GLRA3: variants seen among roughly 807,000 people sequenced by gnomAD.
The protein encoded by GLRA3 is glycine receptor subunit alpha-3.
A neutral mutation model predicts 60.4 loss-of-function variants in GLRA3; 44 were observed. The observed-to-expected ratio is 0.73, with a 90% CI of 0.57 to 0.94. The LOEUF is 0.94. GLRA3 is among the 40% of genes least tolerant of loss of function. GLRA3 has a pLI of 0.00. For synonymous variants in GLRA3, 223 were observed against 192.9 expected (o/e 1.16, Z -1.29); for missense variants, 508 against 564.6 (o/e 0.90, Z 1.02).
chr4:174,659,103 G>A lies in GLRA3; in HGVS notation c.1022C>T (p.Ser341Leu), dbSNP rs774055425. 5 of 1,612,424 alleles carry A rather than the reference G, an allele frequency of 3.1e-6. No individual in the cohort carries two copies. In the South Asian group the frequency reaches 5.5e-5, roughly 18 times the overall value. ...TCTCAGAAGTTCTTTGTGTTGTCTT[G>A]ATACAAAATTTACAGCTGCATACTC... The part of the protein sequence containing the change: ...LLEYAAVNFV[S>L]RQHKELLRFR... The change falls in exon 8 of 10, where the codon TCA becomes TTA. Residue 341 changes from serine to leucine, a missense_variant. By Grantham distance (145) the Ser-to-Leu change is moderately radical. Transcript: ENST00000274093.
At chr4:174,783,912 C>G (rs1022511173) in intron 2 of GLRA3, among the ~76,000 whole-genome samples, 3 of 151,600 alleles carry the variant, frequency 2.0e-5, no homozygotes, top group Non-Finnish European at 4.4e-5. Flanking sequence ...GTCAGTGTGG[C>G]GATTCCTCAG....
At chr4:174,673,762 G>A (rs1335364710) in intron 7 of GLRA3, among the ~76,000 whole-genome samples, 1 of 152,082 alleles carries the variant, frequency 6.6e-6, no homozygotes, top group Non-Finnish European at 1.5e-5. Context: ...GAAGTTCTTA[G>A]TTTTTGACAA....
chr4:174,658,924 A>C, intron 8 of GLRA3, 130 bp downstream of exon 8: 2 of 771,402 alleles, frequency 2.6e-6, no homozygotes, highest in Non-Finnish European at 4.1e-6. Context: ...GATTGGAAAA[A>C]AATGAAAGGA....
At chr4:174,708,941 GC>G (rs1735613470) in intron 5 of GLRA3, among the ~76,000 whole-genome samples, 1 of 150,722 alleles carries the variant, frequency 6.6e-6, no homozygotes, top group Non-Finnish European at 1.5e-5. Flanking sequence ...CTTCCATCAA[GC>G]ATTCCTTAGG....
intron 3 of GLRA3, among the ~76,000 whole-genome samples, chr4:174,755,515 T>G (rs913628719): frequency 6.6e-6 from 1 of 152,146 alleles, no homozygotes; most frequent in African/African-American, 2.4e-5. Flanking sequence ...GAAAATATCA[T>G]CATAGACTGT....
intron 5 of GLRA3, among the ~76,000 whole-genome samples, chr4:174,702,545 GA>G (rs879683739): frequency 3.0e-3 from 442 of 148,748 alleles, no homozygotes; most frequent in African/African-American, 9.9e-3. Flanking sequence ...TGGTGAGTTA[GA>G]AAAAAAAAAT....
chr4:174,822,516 G>T (rs909627034), intron 1 of GLRA3, among the ~76,000 whole-genome samples: 1 of 152,142 alleles, frequency 6.6e-6, no homozygotes, highest in Non-Finnish European at 1.5e-5. Context: ...TTCCTTCTGA[G>T]TAAACAAGTC....
intron 2 of GLRA3, among the ~76,000 whole-genome samples, chr4:174,784,247 C>T (rs564953182): frequency 8.7e-6 from 1 of 114,648 alleles, no homozygotes; most frequent in South Asian, 3.2e-4. Flanking sequence ...TATTCTCACT[C>T]ATAGGTGGGA....
intron 6 of GLRA3, 30 bp from the exon 7 acceptor site, chr4:174,677,322 T>G: frequency 8.2e-7 from 1 of 1,225,098 alleles, no homozygotes; most frequent in Non-Finnish European, 1.2e-6. Flanking sequence ...ATACAGCAAT[T>G]AGTACAAATA....
chr4:174,689,622 T>A (rs923335381), intron 5 of GLRA3, among the ~76,000 whole-genome samples: 8 of 151,646 alleles, frequency 5.3e-5, no homozygotes, highest in African/African-American at 1.9e-4. Context: ...CTACACTCCG[T>A]CCATATGTTC....
chr4:174,744,584 G>A (rs6846173), intron 3 of GLRA3, among the ~76,000 whole-genome samples: 24,088 of 152,148 alleles, frequency 0.16, 2,498 homozygotes, highest in African/African-American at 0.3. Context: ...AAGATTGCAC[G>A]ACTGCATGCA....
intron 2 of GLRA3, among the ~76,000 whole-genome samples, chr4:174,779,037 G>A (rs1207209516): frequency 6.6e-6 from 1 of 152,224 alleles, no homozygotes; most frequent in Non-Finnish European, 1.5e-5. Flanking sequence ...CAAACAAAAA[G>A]ACAGCAGTAA....
At chr4:174,765,604 A>G (rs879932552) in intron 3 of GLRA3, among the ~76,000 whole-genome samples, 1 of 152,032 alleles carries the variant, frequency 6.6e-6, no homozygotes, top group Non-Finnish European at 1.5e-5. Flanking sequence ...TATGGACTGA[A>G]TATGTACAAA....
Position 174,731,618 on chromosome 4 carries a change from C to T in GLRA3, c.268-2920G>A, listed in dbSNP as rs147923612. Among the ~76,000 whole-genome samples, 285 of 152,192 alleles carry T rather than the reference C, an allele frequency of 1.9e-3. 1 individual carries two copies. The highest frequency in any genetic ancestry group is 6.1e-3 in the African/African-American group (253 of 41,516). On this transcript the variant is annotated intron_variant, in intron 3 of 9. Coordinates refer to ENST00000274093, the MANE Select transcript of GLRA3 (RefSeq NM_006529.4). ...GAGGTAGGACAAATTATTTAAAAAG[C>T]ACAATAATATTGATCATAAAATAAA...
chr4:174,692,287 C>A (rs1278266858), intron 5 of GLRA3, among the ~76,000 whole-genome samples: 1 of 139,724 alleles, frequency 7.2e-6, no homozygotes, highest in African/African-American at 2.7e-5. Flanking sequence ...GCACCCCACC[C>A]GGCCAGCCGC....
chr4:174,751,503 T>C (rs1433145967), intron 3 of GLRA3, among the ~76,000 whole-genome samples: 1 of 152,026 alleles, frequency 6.6e-6, no homozygotes, highest in Non-Finnish European at 1.5e-5. Flanking sequence ...AAAAATAACA[T>C]CAAAGAATAA....
chr4:174,823,343 T>C (rs1445052145), intron 1 of GLRA3, among the ~76,000 whole-genome samples: 1 of 151,714 alleles, frequency 6.6e-6, no homozygotes, highest in African/African-American at 2.4e-5. Context: ...GCTAACATAG[T>C]GAAAACCTCT....
chr4:174,702,921 T>C (rs1735380284), intron 5 of GLRA3, among the ~76,000 whole-genome samples: 1 of 152,224 alleles, frequency 6.6e-6, no homozygotes, highest in South Asian at 2.1e-4. Flanking sequence ...TTACACATTA[T>C]AATTACAATT....
chr4:174,730,414 T>A (rs4618291), intron 3 of GLRA3, among the ~76,000 whole-genome samples: 22,591 of 152,186 alleles, frequency 0.15, 1,828 homozygotes, highest in South Asian at 0.21. Flanking sequence ...GTTATAATCA[T>A]ACCTGCCAGG....
Sources: allele counts gnomAD v4.1 joint callset (sites outside exome capture counted in the v4.1 genomes callset), GRCh38; gene constraint gnomAD v4.1.1; transcripts MANE v1.5; gene names NCBI Gene and HGNC (gene_info 2026-07-23, HGNC 2026-07-21).